The following SGIP1 variants were observed in gnomAD, a reference collection of about 807,000 sequenced individuals.
SGIP1 encodes the protein SH3GL interacting endocytic adaptor 1.
Under a neutral mutation model 107.5 loss-of-function variants are expected in SGIP1, and 38 were observed. The ratio of observed to expected loss-of-function variants is 0.35; its 90% confidence interval spans 0.27 to 0.46. SGIP1 has a LOEUF of 0.46. SGIP1 is among the 20% of genes least tolerant of loss of function. The probability of loss-of-function intolerance (pLI) is 1.00; values close to 1 mark genes in which losing one functional copy is unlikely to be tolerated. For synonymous variants in SGIP1, 365 were observed against 366.1 expected, an observed-to-expected ratio of 1.00 and a Z score of 0.03; for missense variants, 929 against 1,019.5, an observed-to-expected ratio of 0.91 and a Z score of 1.21.
At chr1:66,550,599 T>C (rs927551770) in intron 1 of SGIP1, among the ~76,000 whole-genome samples, 2 of 152,142 alleles carry the variant, frequency 1.3e-5, no homozygotes, top group African/African-American at 4.8e-5. Context: ...GAGGGAATAT[T>C]CAAATCATGT....
chr1:66,639,345 G>A (rs1335820940), intron 4 of SGIP1, among the ~76,000 whole-genome samples: 2 of 152,190 alleles, frequency 1.3e-5, no homozygotes, highest in African/African-American at 2.4e-5. Context: ...TAATGACTTG[G>A]ATGAGTACTC....
intron 1 of SGIP1, among the ~76,000 whole-genome samples, chr1:66,606,891 A>G (rs2066954205): frequency 6.6e-6 from 1 of 152,232 alleles, no homozygotes; most frequent in Admixed American, 6.5e-5. Flanking sequence ...CCTGTATTTT[A>G]TGAGAGGATT....
intron 7 of SGIP1, among the ~76,000 whole-genome samples, chr1:66,645,504 C>T (rs907143268): frequency 6.6e-6 from 1 of 151,992 alleles, no homozygotes; most frequent in African/African-American, 2.4e-5. Context: ...ATGGAGACAC[C>T]CAGAGAGAGT....
At chr1:66,563,390 A>G (rs997566921) in intron 1 of SGIP1, among the ~76,000 whole-genome samples, 12 of 152,062 alleles carry the variant, frequency 7.9e-5, no homozygotes, top group African/African-American at 2.7e-4. Flanking sequence ...AATCTAGTCC[A>G]GAGCCTTCCT....
chr1:66,548,869 A>G (rs753561134), intron 1 of SGIP1, among the ~76,000 whole-genome samples: 5 of 152,198 alleles, frequency 3.3e-5, no homozygotes, highest in Non-Finnish European at 4.4e-5. Flanking sequence ...TCCTACCTGC[A>G]GGTGCCAAAA....
At chr1:66,686,209 C>T (rs1263968521) in intron 15 of SGIP1, among the ~76,000 whole-genome samples, 1 of 152,174 alleles carries the variant, frequency 6.6e-6, no homozygotes, top group Non-Finnish European at 1.5e-5. Flanking sequence ...GCCTTGACCA[C>T]TTCTCCCAGC....
chr1:66,590,257 T>C (rs2148870094), intron 1 of SGIP1, among the ~76,000 whole-genome samples: 1 of 152,268 alleles, frequency 6.6e-6, no homozygotes. Flanking sequence ...TCCTACTTAC[T>C]TTGGAGATAA....
rs1210783264 is a variant in SGIP1, at chr1:66,534,375, T to A, written c.10+7T>A. The A allele has an allele frequency of 6.2e-7, 1 of 1,614,136 alleles. No homozygotes were observed. The highest frequency in any genetic ancestry group is 1.1e-5 in the South Asian group (1 of 91,088). ...TCTGCCACCATGATGGAAGGTAGGA[T>A]GCTTTCTGCTATGGTTGACTGGCTT... On this transcript the variant is annotated splice_region_variant and intron_variant, in intron 1 of 24. Coordinates refer to ENST00000371037, the MANE Select transcript of SGIP1 (RefSeq NM_032291.4).
intron 1 of SGIP1, among the ~76,000 whole-genome samples, chr1:66,606,142 T>C (rs1558047769): frequency 1.3e-5 from 2 of 152,208 alleles, no homozygotes; most frequent in Non-Finnish European, 2.9e-5. Context: ...CAAGCTCAAA[T>C]ATGTTTAAAT....
chr1:66,605,067 T>C (rs924619384), intron 1 of SGIP1, among the ~76,000 whole-genome samples: 1 of 152,134 alleles, frequency 6.6e-6, no homozygotes, highest in Non-Finnish European at 1.5e-5. Flanking sequence ...CCATAAATGT[T>C]TCACTAACAT....
intron 3 of SGIP1, 27 bp from the exon 4 acceptor site, chr1:66,635,917 T>A: frequency 6.2e-7 from 1 of 1,611,324 alleles, no homozygotes; most frequent in Non-Finnish European, 8.5e-7. Context: ...TAACCACTTT[T>A]TTCTACATGA....
chr1:66,624,860 G>T (rs1300697871), intron 1 of SGIP1, among the ~76,000 whole-genome samples: 4 of 94,974 alleles, frequency 4.2e-5, no homozygotes, highest in African/African-American at 2.3e-4. Flanking sequence ...AACATGTGAG[G>T]GATGGGAAAC....
chr1:66,691,725 C>T (rs2089895739), intron 17 of SGIP1, among the ~76,000 whole-genome samples: 1 of 152,154 alleles, frequency 6.6e-6, no homozygotes, highest in African/African-American at 2.4e-5. Flanking sequence ...TGTTTCACCT[C>T]CTTCATGTGA....
chr1:66,588,842 C>G (rs2063104889), intron 1 of SGIP1, among the ~76,000 whole-genome samples: 2 of 151,034 alleles, frequency 1.3e-5, no homozygotes, highest in Non-Finnish European at 3.0e-5. Context: ...TGGAAGGAAC[C>G]AAAACTTCAT....
chr1:66,660,295 C>A, intron 7 of SGIP1: 1 of 556,954 alleles, frequency 1.8e-6, no homozygotes, highest in South Asian at 2.6e-5. Context: ...GCTCAGATGC[C>A]CAGATGAAGT....
chr1:66,547,168 T>C (rs934022560), intron 1 of SGIP1, among the ~76,000 whole-genome samples: 3 of 152,216 alleles, frequency 2.0e-5, no homozygotes, highest in African/African-American at 7.2e-5. Context: ...GAATCCCTGC[T>C]ACAGGCAACC....
intron 14 of SGIP1, among the ~76,000 whole-genome samples, chr1:66,681,456 AT>A (rs2149989463): frequency 6.6e-6 from 1 of 152,344 alleles, no homozygotes; most frequent in South Asian, 2.1e-4. Flanking sequence ...TGTGTATTTT[AT>A]TAGGCCAGAT....
chr1:66,731,827 A>G (rs1230277373), intron 20 of SGIP1, among the ~76,000 whole-genome samples: 1 of 152,208 alleles, frequency 6.6e-6, no homozygotes, highest in African/African-American at 2.4e-5. Context: ...GCCCCTGGAG[A>G]CATTTCAGTT....
At chr1:66,584,734 A>G (rs139833771) in intron 1 of SGIP1, among the ~76,000 whole-genome samples, 3 of 152,298 alleles carry the variant, frequency 2.0e-5, no homozygotes, top group African/African-American at 7.2e-5. Flanking sequence ...CAGCTTTAAG[A>G]TAGTGGTAGG....
Sources: allele counts gnomAD v4.1 joint callset (sites outside exome capture counted in the v4.1 genomes callset), GRCh38; gene constraint gnomAD v4.1.1; transcripts MANE v1.5; gene names NCBI Gene and HGNC (gene_info 2026-07-23, HGNC 2026-07-21).